Variants in KCND3 observed in about 807,000 individuals in gnomAD.
KCND3 encodes the protein potassium voltage-gated channel subfamily D member 3, also known as A-type voltage-gated potassium channel KCND3.
In KCND3, 9 loss-of-function variants were observed where a neutral mutation model predicts 51.1. The ratio of observed to expected loss-of-function variants is 0.18; its 90% confidence interval spans 0.11 to 0.31. The LOEUF is 0.31. Ranked by LOEUF, KCND3 falls within the 10% of genes least tolerant of loss-of-function variation. KCND3 has a pLI of 1.00. For missense variants in KCND3, 526 were observed against 903.8 expected (o/e 0.58, Z 5.36); for synonymous variants, 349 against 368.0 (o/e 0.95, Z 0.59).
At chr1:111,831,357 T>C (rs1013946043) in intron 2 of KCND3, among the ~76,000 whole-genome samples, 1 of 152,134 alleles carries the variant, frequency 6.6e-6, no homozygotes, top group Non-Finnish European at 1.5e-5. Flanking sequence ...AGATTTCTCA[T>C]GATAGTGAGT....
At chr1:111,833,464 T>C (rs1004467359) in intron 2 of KCND3, among the ~76,000 whole-genome samples, 1 of 152,250 alleles carries the variant, frequency 6.6e-6, no homozygotes, top group African/African-American at 2.4e-5. Context: ...GAAAGGTAAC[T>C]TGCTTGAAAT....
chr1:111,932,632 T>C (rs1672032979), intron 2 of KCND3, among the ~76,000 whole-genome samples: 1 of 152,256 alleles, frequency 6.6e-6, no homozygotes, highest in Admixed American at 6.5e-5. Flanking sequence ...ACAGTTTGTC[T>C]TTTTGTGACT....
intron 2 of KCND3, among the ~76,000 whole-genome samples, chr1:111,945,153 T>C (rs1672718849): frequency 6.6e-6 from 1 of 151,806 alleles, no homozygotes; most frequent in Non-Finnish European, 1.5e-5. Flanking sequence ...CGAGAAGGAG[T>C]AAAGGCAGCC....
At chr1:111,883,269 T>C (rs1296241329) in intron 2 of KCND3, among the ~76,000 whole-genome samples, 7 of 152,250 alleles carry the variant, frequency 4.6e-5, no homozygotes, top group African/African-American at 1.7e-4. Context: ...TGTAGGTTAC[T>C]TTCTACAAAT....
intron 2 of KCND3, among the ~76,000 whole-genome samples, chr1:111,897,898 A>T (rs1290017393): frequency 6.6e-6 from 1 of 152,224 alleles, no homozygotes; most frequent in Non-Finnish European, 1.5e-5. Context: ...TTATTTCCAA[A>T]TATGCCTTAG....
intron 2 of KCND3, among the ~76,000 whole-genome samples, chr1:111,959,175 A>G (rs751287642): frequency 3.3e-5 from 5 of 152,158 alleles, no homozygotes; most frequent in East Asian, 1.9e-4. Flanking sequence ...CTGTGTATCA[A>G]AGGGATTCGG....
chr1:111,843,837 T>C (rs544170935), intron 2 of KCND3, among the ~76,000 whole-genome samples: 1 of 152,318 alleles, frequency 6.6e-6, no homozygotes, highest in Non-Finnish European at 1.5e-5. Context: ...TGGCAGATGA[T>C]GTAGCAATCA....
intron 2 of KCND3, among the ~76,000 whole-genome samples, chr1:111,933,539 C>T (rs897865132): frequency 6.6e-6 from 1 of 151,818 alleles, no homozygotes; most frequent in African/African-American, 2.4e-5. Context: ...TGCAGCATCT[C>T]TTAAGATGTC....
chr1:111,986,639 C>A (rs1377958793), intron 1 of KCND3, among the ~76,000 whole-genome samples: 1 of 152,172 alleles, frequency 6.6e-6, no homozygotes, highest in African/African-American at 2.4e-5. Flanking sequence ...GACAAAAGAC[C>A]CTTTGGCTCA....
At chr1:111,794,150 G>C (rs1018433763) in intron 2 of KCND3, among the ~76,000 whole-genome samples, 4 of 152,238 alleles carry the variant, frequency 2.6e-5, no homozygotes, top group African/African-American at 9.6e-5. Context: ...TGTCTGGACT[G>C]AGGCAAAAGC....
intron 2 of KCND3, among the ~76,000 whole-genome samples, chr1:111,829,112 G>A (rs941391934): frequency 1.3e-5 from 2 of 152,196 alleles, no homozygotes; most frequent in Admixed American, 1.3e-4. Context: ...AAATGGTTGC[G>A]CTGCAGTGTT....
chr1:111,942,294 C>T (rs1012255086), intron 2 of KCND3, among the ~76,000 whole-genome samples: 16 of 152,330 alleles, frequency 1.1e-4, no homozygotes, highest in African/African-American at 3.8e-4. Context: ...ATCCCCCGTC[C>T]CTGTGGGGCT....
chr1:111,842,718 G>A (rs892113853), intron 2 of KCND3, among the ~76,000 whole-genome samples: 2 of 152,346 alleles, frequency 1.3e-5, no homozygotes, highest in South Asian at 4.1e-4. Context: ...CAACTCAGTT[G>A]TGTATATGAT....
intron 2 of KCND3, among the ~76,000 whole-genome samples, chr1:111,840,028 C>T (rs1175231939): frequency 6.6e-6 from 1 of 152,170 alleles, no homozygotes; most frequent in Admixed American, 6.5e-5. Context: ...GTTTAAGGTG[C>T]CAGCAGATGT....
chr1:111,855,356 C>T (rs539545), intron 2 of KCND3, among the ~76,000 whole-genome samples: 39,849 of 152,168 alleles, frequency 0.26, 5,535 homozygotes, highest in Non-Finnish European at 0.32. Flanking sequence ...CTAACTCATC[C>T]CCCTCATCTT....
intron 7 of KCND3, 37 bp from the exon 8 acceptor site, chr1:111,776,315 C>T (rs771011573): frequency 6.3e-7 from 1 of 1,594,892 alleles, no homozygotes; most frequent in Admixed American, 1.7e-5. Flanking sequence ...ATGGTTCCTG[C>T]TGGCCAGCGT....
At chr1:111,841,931 T>TG (rs889309782) in intron 2 of KCND3, among the ~76,000 whole-genome samples, 9 of 152,270 alleles carry the variant, frequency 5.9e-5, no homozygotes, top group East Asian at 1.9e-4. Flanking sequence ...AGTACAGGCC[T>TG]GGGGGGGTCA....
chr1:111,905,789 GCCCCACCCA>G (rs1670622893), intron 2 of KCND3, among the ~76,000 whole-genome samples: 4 of 152,142 alleles, frequency 2.6e-5, no homozygotes, highest in African/African-American at 9.7e-5. Flanking sequence ...TAATGCCTGG[GCCCCACCCA>G]GGCCCTTTCA....
intron 2 of KCND3, among the ~76,000 whole-genome samples, chr1:111,805,689 A>T (rs1237090973): frequency 6.6e-6 from 1 of 152,218 alleles, no homozygotes; most frequent in Admixed American, 6.5e-5. Context: ...GAGCGGGGGG[A>T]CATGGAGAGC....
Sources: allele counts gnomAD v4.1 joint callset (sites outside exome capture counted in the v4.1 genomes callset), GRCh38; gene constraint gnomAD v4.1.1; transcripts MANE v1.5; gene names NCBI Gene and HGNC (gene_info 2026-07-23, HGNC 2026-07-21).